SLC20A1: variants seen among roughly 807,000 people sequenced by gnomAD.
The protein encoded by SLC20A1 is solute carrier family 20 member 1, also known as sodium-dependent phosphate transporter 1.
SLC20A1 carries 28 observed loss-of-function variants against 62.7 expected under a neutral mutation model. The ratio of observed to expected loss-of-function variants is 0.45; its 90% CI spans 0.33 to 0.61. SLC20A1 has a LOEUF of 0.61. Ranked by LOEUF, SLC20A1 falls within the 20% of genes least tolerant of loss-of-function variation. The pLI, the probability that SLC20A1 is intolerant of heterozygous loss-of-function variation, is 0.02. For missense variants in SLC20A1, 673 were observed against 838.6 expected (o/e 0.80, Z 2.44); for synonymous variants, 305 against 302.9 (o/e 1.01, Z -0.07).
chr2:112,660,507 G>T lies in SLC20A1; in HGVS notation c.1728G>T (p.Leu576=), dbSNP rs1171880852. ...GTGGTGTTGGTATCTGTGTTGGTCTGTGGGTTTGGGGAAGAAGAGTTATCC... is the reference window on the plus strand; with the variant it reads ...GTGGTGTTGGTATCTGTGTTGGTCTTTGGGTTTGGGGAAGAAGAGTTATCC... ...LYGGVGICVG[L]WVWGRRVIQT... The change falls in exon 9 of 11, where the codon CTG becomes CTT. Residue 576 remains leucine, a synonymous_variant. Transcript: ENST00000272542. The T allele has an allele frequency of 1.9e-6, 3 of 1,614,116 alleles. No homozygotes were observed. The highest frequency in any genetic ancestry group is 2.5e-6 in the Non-Finnish European group (3 of 1,180,040).
intron 4 of SLC20A1, among the ~76,000 whole-genome samples, chr2:112,651,760 A>G (rs1304237711): frequency 6.6e-6 from 1 of 152,152 alleles, no homozygotes; most frequent in East Asian, 1.9e-4. Context: ...ATTAATACAT[A>G]CTAGGTATGG....
intron 4 of SLC20A1, among the ~76,000 whole-genome samples, chr2:112,651,310 A>G (rs1306737187): frequency 1.3e-5 from 2 of 152,002 alleles, no homozygotes; most frequent in Non-Finnish European, 2.9e-5. Flanking sequence ...AAGATTTTCC[A>G]CTGGAATTGT....
At chr2:112,648,661 C>G (rs978933449) in intron 4 of SLC20A1, among the ~76,000 whole-genome samples, 21 of 152,168 alleles carry the variant, frequency 1.4e-4, no homozygotes, top group African/African-American at 4.6e-4. Context: ...TAAAGTGATT[C>G]ACTAATCACT....
intron 6 of SLC20A1, 28 bp downstream of exon 6, chr2:112,657,269 T>C (rs747832830): frequency 6.2e-7 from 1 of 1,601,762 alleles, no homozygotes; most frequent in South Asian, 1.1e-5. Flanking sequence ...AGCAGAAAAG[T>C]TTAACTACTA....
At position 112,659,348 on chromosome 2, in the gene SLC20A1, C is replaced by T; in HGVS notation, c.1193C>T (p.Ala398Val). ...YKELLHKLHL[A>V]KVGDCMGDSG... Reference sequence around the variant, plus strand: ...GAGCTACTCCATAAATTACATCTTGCCAAGGTGGGAGATTGCATGGGAGAC... The same window carrying T: ...GAGCTACTCCATAAATTACATCTTGTCAAGGTGGGAGATTGCATGGGAGAC... The change falls in exon 8 of 11, where the codon GCC becomes GTC. Residue 398 changes from alanine to valine, a missense_variant. Ala to Val is a moderately conservative substitution (Grantham distance 64). Coordinates refer to ENST00000272542, the MANE Select transcript of SLC20A1 (RefSeq NM_005415.5). 1.2e-6 allele frequency: 2 copies of T among 1,614,150 alleles called. No individual in the cohort carries two copies. Among genetic ancestry groups the T allele is most frequent in the South Asian group, 1.1e-5 (1 of 91,084 alleles).
intron 4 of SLC20A1, among the ~76,000 whole-genome samples, chr2:112,649,250 C>T (rs929606256): frequency 1.3e-5 from 2 of 152,158 alleles, no homozygotes; most frequent in Non-Finnish European, 2.9e-5. Context: ...TTGTATATTT[C>T]CTATATGGGT....
rs936632993 is a variant in SLC20A1, at chr2:112,660,316, TCAG to T, written c.1608-67_1608-65del. On this transcript the variant is annotated intron_variant, in intron 8 of 10. Coordinates refer to ENST00000272542, the MANE Select transcript of SLC20A1 (RefSeq NM_005415.5). ...TACTTTAGACAACCTGGTAGATCAT[TCAG>T]CAGATTGGGTCTTGCCAAGATCTAG... The T allele has an allele frequency of 3.8e-6, 5 of 1,330,970 alleles. No individual in the cohort carries two copies. The African/African-American group carries it at 4.4e-5, about 12-fold the overall frequency. 82.4% of individuals were successfully genotyped at this position (1,330,970 alleles called of 1,614,324 possible). A position where few individuals can be genotyped will look rare whatever the true frequency, so the allele number is the denominator to read the frequency against.
At chr2:112,648,325 T>C (rs1232936370) in intron 4 of SLC20A1, among the ~76,000 whole-genome samples, 4 of 152,230 alleles carry the variant, frequency 2.6e-5, no homozygotes, top group African/African-American at 9.6e-5. Flanking sequence ...TGAAAATCCC[T>C]TTTAAGTGAC....
intron 6 of SLC20A1, chr2:112,658,379 G>T (rs6751117): frequency 0.79 from 121,557 of 153,642 alleles, 48,833 homozygotes; most frequent in East Asian, 1. Flanking sequence ...GCTTGAATTG[G>T]TGGACTGAAA....
chr2:112,654,714 G>A (rs1024954690), intron 5 of SLC20A1, among the ~76,000 whole-genome samples: 2 of 151,916 alleles, frequency 1.3e-5, no homozygotes, highest in African/African-American at 4.8e-5. Context: ...GGCCAAGTTG[G>A]TGAAACCTCA....
At chr2:112,649,013 A>G (rs1686358721) in intron 4 of SLC20A1, among the ~76,000 whole-genome samples, 1 of 152,346 alleles carries the variant, frequency 6.6e-6, no homozygotes, top group South Asian at 2.1e-4. Context: ...CCTGCTTGGT[A>G]AAGGTTTATG....
intron 4 of SLC20A1, among the ~76,000 whole-genome samples, chr2:112,648,677 C>A (rs1334119207): frequency 6.6e-6 from 1 of 152,204 alleles, no homozygotes; most frequent in African/African-American, 2.4e-5. Context: ...TCACTGTTTT[C>A]CATAGCCAGA....
chr2:112,652,313 G>A (rs1686463888), intron 4 of SLC20A1: 2 of 188,986 alleles, frequency 1.1e-5, no homozygotes, highest in Admixed American at 1.1e-4. Context: ...ATGAAGTCAG[G>A]TAAGCAACAT....
chr2:112,646,465 A>G (rs1686279898), intron 1 of SLC20A1, 98 bp from the exon 2 acceptor site: 1 of 152,392 alleles, frequency 6.6e-6, no homozygotes, highest in South Asian at 2.1e-4. Flanking sequence ...AGTAGCCGGC[A>G]GAGGCTATTG....
Position 112,659,382 on chromosome 2 carries a change from C to A in SLC20A1, c.1227C>A (p.Asp409Glu). ...KVGDCMGDSG[D>E]KPLRRNNSYT... is the part of the protein sequence containing the mutation. Reference sequence around the variant, plus strand: ...GAGATTGCATGGGAGACTCCGGTGACAAACCCTTAAGGCGCAATAATAGCT... The same window carrying A: ...GAGATTGCATGGGAGACTCCGGTGAAAAACCCTTAAGGCGCAATAATAGCT... Residue 409 changes from aspartate (D) to glutamate (E), a missense_variant, in exon 8 of 11, where the codon GAC becomes GAA. Physicochemically the swap from Asp to Glu is conservative, Grantham distance 45. Transcript: ENST00000272542. 6.2e-7 allele frequency: 1 copy of A among 1,614,192 alleles called. No individual in the cohort carries two copies. Among genetic ancestry groups the A allele is most frequent in the Non-Finnish European group, 8.5e-7 (1 of 1,180,042 alleles).
chr2:112,654,272 A>C (rs1029193947), intron 5 of SLC20A1, among the ~76,000 whole-genome samples: 17 of 152,186 alleles, frequency 1.1e-4, no homozygotes, highest in Admixed American at 6.5e-4. Context: ...GGTGAAGAGA[A>C]GTTTGTATGC....
At chr2:112,652,082 A>T (rs1686457449) in intron 4 of SLC20A1, 1 of 152,488 alleles carries the variant, frequency 6.6e-6, no homozygotes, top group African/African-American at 2.4e-5. Flanking sequence ...GGTGAGTGTC[A>T]GTTCTATTAG....
rs1255719947 is a variant in SLC20A1, at chr2:112,645,973, T to C, written c.-423T>C. On this transcript the variant is annotated 5_prime_UTR_variant, in exon 1 of 11. Coordinates refer to ENST00000272542, the MANE Select transcript of SLC20A1 (RefSeq NM_005415.5). The stretch of plus-strand genomic sequence containing the variant: ...GCTGCCGGCGCTCTCTGCGTGGTTC[T>C]TCTTCTCGGCCGCTGAAACCCCCGC... 1 of 152,072 alleles carries C rather than the reference T, an allele frequency of 6.6e-6. No individual in the cohort carries two copies. The allele number at this position is 152,072 out of a possible 1,614,324, so 9.4% of individuals were successfully genotyped here. A position where few individuals can be genotyped will look rare whatever the true frequency, so the allele number is the denominator to read the frequency against.
chr2:112,661,260 G>A (rs1686741452), intron 10 of SLC20A1, 34 bp downstream of exon 10: 1 of 1,516,410 alleles, frequency 6.6e-7, no homozygotes, highest in East Asian at 2.3e-5. Flanking sequence ...CTTTCAAATG[G>A]TTCTTCTAAT....
Sources: gnomAD v4.1 joint callset for allele counts (sites outside exome capture counted in the v4.1 genomes callset) on GRCh38, gnomAD v4.1.1 for gene constraint, MANE v1.5 for transcripts, NCBI Gene and HGNC (gene_info 2026-07-23, HGNC 2026-07-21) for gene names.